The following ANAPC10 variants were observed in gnomAD, a reference collection of about 807,000 sequenced individuals.
ANAPC10 encodes the protein anaphase-promoting complex subunit 10.
In ANAPC10, 12 loss-of-function variants were observed where a neutral mutation model predicts 22.0. That is an observed-to-expected ratio of 0.55 (90% CI 0.35 to 0.88). ANAPC10 has a LOEUF of 0.88. Among genes scored for constraint, ANAPC10 ranks in the 40% least tolerant of loss-of-function variants. The pLI, the probability that ANAPC10 is intolerant of heterozygous loss-of-function variation, is 0.01. For missense variants in ANAPC10, 188 were observed against 220.9 expected (o/e 0.85, Z 0.94); for synonymous variants, 65 against 69.5 (o/e 0.94, Z 0.32).
intron 4 of ANAPC10, among the ~76,000 whole-genome samples, chr4:145,002,529 T>C (rs982229629): frequency 6.6e-6 from 1 of 152,144 alleles, no homozygotes; most frequent in African/African-American, 2.4e-5. Flanking sequence ...TAAGATTATA[T>C]AGCTTAACTA....
intron 2 of ANAPC10, among the ~76,000 whole-genome samples, chr4:145,088,546 C>T (rs1747219518): frequency 6.6e-6 from 1 of 152,176 alleles, no homozygotes; most frequent in African/African-American, 2.4e-5. Flanking sequence ...AGGTTTCCTC[C>T]TGTGAATCGT....
chr4:145,066,953 A>C (rs1350411522), intron 3 of ANAPC10, among the ~76,000 whole-genome samples: 2 of 152,176 alleles, frequency 1.3e-5, no homozygotes, highest in African/African-American at 2.4e-5. Flanking sequence ...TTACAGTAAT[A>C]GGTAGGTGTC....
chr4:145,087,319 T>C (rs1050018440), intron 2 of ANAPC10, among the ~76,000 whole-genome samples: 1 of 152,170 alleles, frequency 6.6e-6, no homozygotes, highest in Non-Finnish European at 1.5e-5. Context: ...TTCAAGCATA[T>C]CTATTAACAC....
intron 4 of ANAPC10, among the ~76,000 whole-genome samples, chr4:145,018,533 G>C (rs1464546844): frequency 1.3e-5 from 2 of 152,012 alleles, no homozygotes; most frequent in East Asian, 1.9e-4. Flanking sequence ...AACTACTTAG[G>C]AGGCTGAGGC....
intron 2 of ANAPC10, among the ~76,000 whole-genome samples, chr4:145,086,292 T>A (rs1746884611): frequency 6.6e-6 from 1 of 152,086 alleles, no homozygotes; most frequent in Admixed American, 6.5e-5. Flanking sequence ...ACAAAAGAAC[T>A]AAAACAAAGA....
intron 4 of ANAPC10, among the ~76,000 whole-genome samples, chr4:145,044,251 T>C (rs1312526269): frequency 6.6e-6 from 1 of 152,088 alleles, no homozygotes. Context: ...AAAAATACGT[T>C]CTTACCTTTC....
chr4:145,048,788 A>C (rs1740688720), intron 4 of ANAPC10, among the ~76,000 whole-genome samples: 1 of 152,226 alleles, frequency 6.6e-6, no homozygotes. Context: ...GAATAGTCCA[A>C]AGATACAGGA....
chr4:145,097,624 ATAAG>A, intron 1 of ANAPC10: 2 of 864,488 alleles, frequency 2.3e-6, no homozygotes, highest in Middle Eastern at 4.5e-4. Flanking sequence ...TAAACGCTCA[ATAAG>A]TAATTTACTG....
At chr4:145,012,844 C>T (rs1259829344) in intron 4 of ANAPC10, among the ~76,000 whole-genome samples, 1 of 152,092 alleles carries the variant, frequency 6.6e-6, no homozygotes, top group East Asian at 1.9e-4. Flanking sequence ...CTGCCCAAAT[C>T]TCATGTAAAA....
intron 4 of ANAPC10, among the ~76,000 whole-genome samples, chr4:145,003,014 C>A (rs1002045260): frequency 2.0e-5 from 3 of 152,118 alleles, no homozygotes; most frequent in Non-Finnish European, 2.9e-5. Flanking sequence ...CACCCTCCTC[C>A]CATCTTCCAC....
In ANAPC10 at chr4:145,037,043, T is replaced by C. The variant is rs932421432; in HGVS notation, c.327+27529A>G. Reference sequence around the variant, plus strand: ...GTGTGTGTGTGTGTGTGTGTGTATGTGTGTGCATGCATGAATGTGTGTTTT... The same window carrying C: ...GTGTGTGTGTGTGTGTGTGTGTATGCGTGTGCATGCATGAATGTGTGTTTT... On this transcript the variant is annotated intron_variant, in intron 4 of 4. Coordinates refer to ENST00000507656, the MANE Select transcript of ANAPC10 (RefSeq NM_001256706.2). Among the ~76,000 whole-genome samples, 43 of 148,834 alleles carry C rather than the reference T, an allele frequency of 2.9e-4. 1 individual carries two copies. The highest frequency in any genetic ancestry group is 7.0e-3 in the Middle Eastern group (2 of 286).
chr4:144,996,836 T>C (rs974217350), intron 4 of ANAPC10, among the ~76,000 whole-genome samples: 2 of 151,964 alleles, frequency 1.3e-5, no homozygotes, highest in Admixed American at 6.6e-5. Context: ...GCTAAAAACC[T>C]TGAAAAAAGA....
At chr4:145,004,827 T>C (rs1400757530) in intron 4 of ANAPC10, among the ~76,000 whole-genome samples, 1 of 152,156 alleles carries the variant, frequency 6.6e-6, no homozygotes, top group Non-Finnish European at 1.5e-5. Flanking sequence ...TTGTTGTGTC[T>C]CTGCCAGGTT....
At chr4:145,065,559 T>C (rs1389704436) in intron 3 of ANAPC10, among the ~76,000 whole-genome samples, 1 of 152,018 alleles carries the variant, frequency 6.6e-6, no homozygotes, top group East Asian at 1.9e-4. Context: ...TAATGAAGGC[T>C]GGCCTTGGAG....
At position 145,017,932 on chromosome 4, in the gene ANAPC10, C is replaced by T. The variant is rs534136603; in HGVS notation, c.328-22329G>A. 4.7e-4 allele frequency among the ~76,000 whole-genome samples: 62 copies of T among 131,074 alleles called. No homozygotes were observed. In the South Asian group the frequency reaches 6.4e-3, roughly 14 times the overall value. 86.0% of individuals were successfully genotyped at this position (131,074 alleles called of 152,430 possible). ...GAACTGAAAAATGAGAATACTTGGA[C>T]ACAGGAAGGGAAACATCACACACCG... On this transcript the variant is annotated intron_variant, in intron 4 of 4. Transcript: ENST00000507656.
chr4:145,012,341 ATATTT>A (rs1206005916), intron 4 of ANAPC10, among the ~76,000 whole-genome samples: 1 of 151,870 alleles, frequency 6.6e-6, no homozygotes, highest in Non-Finnish European at 1.5e-5. Context: ...TGTTAAGAAG[ATATTT>A]TAAAGTGTAA....
chr4:145,054,646 CGCGCGCGCGTGCGT>C (rs1560884599), intron 4 of ANAPC10, among the ~76,000 whole-genome samples: 2 of 141,834 alleles, frequency 1.4e-5, no homozygotes, highest in African/African-American at 5.6e-5. Context: ...TGTGTGCGCG[CGCGCGCGCGTGCGT>C]GCAGCGCATG....
At chr4:145,009,130 G>A (rs1003259902) in intron 4 of ANAPC10, among the ~76,000 whole-genome samples, 3 of 152,070 alleles carry the variant, frequency 2.0e-5, no homozygotes, top group African/African-American at 7.3e-5. Context: ...ACTTACAAGG[G>A]ATGTGAAGGA....
At chr4:145,000,164 AC>A (rs1732302075) in intron 4 of ANAPC10, among the ~76,000 whole-genome samples, 2 of 152,338 alleles carry the variant, frequency 1.3e-5, no homozygotes, top group South Asian at 4.1e-4. Context: ...ATGTCTAAAC[AC>A]CAAAAGCAGT....
Sources: allele counts gnomAD v4.1 joint callset (sites outside exome capture counted in the v4.1 genomes callset), GRCh38; gene constraint gnomAD v4.1.1; transcripts MANE v1.5; gene names NCBI Gene and HGNC (gene_info 2026-07-23, HGNC 2026-07-21).